The following PRORP variants were observed in gnomAD, a reference collection of about 807,000 sequenced individuals.
PRORP encodes the protein mitochondrial ribonuclease P catalytic subunit.
In PRORP, 51 loss-of-function variants were observed where a neutral mutation model predicts 59.4. The observed-to-expected ratio is 0.86, with a 90% CI of 0.69 to 1.08. The LOEUF is 1.08. PRORP is among the 50% of genes least tolerant of loss of function. The probability of loss-of-function intolerance (pLI) is 0.00; values close to 1 mark genes in which losing one functional copy is unlikely to be tolerated. For missense variants in PRORP, 646 were observed against 690.3 expected (o/e 0.94, Z 0.72); for synonymous variants, 231 against 245.6 (o/e 0.94, Z 0.55).
rs573341264 is a variant in PRORP at position 35,168,008 on chromosome 14, T to G, written c.1168-12662T>G. On this transcript the variant is annotated intron_variant, in intron 4 of 7. Coordinates refer to ENST00000534898, the MANE Select transcript of PRORP (RefSeq NM_014672.4). ...TTTAACACATTTTTCCCCCATTCATTCATTAGTTAATAGACACTTGAATTG... is the reference window on the plus strand; with the variant it reads ...TTTAACACATTTTTCCCCCATTCATGCATTAGTTAATAGACACTTGAATTG... Among the ~76,000 whole-genome samples, 3 of 152,364 alleles carry G rather than the reference T, an allele frequency of 2.0e-5. No individual in the cohort carries two copies. In the South Asian group the frequency reaches 6.2e-4, roughly 32 times the overall value.
rs149153641 is a variant in PRORP, at chr14:35,156,143, T to G, written c.1168-24527T>G. ...TTTATCATAGGTGGCAACTGCAGAT[T>G]AATTCTGGTGTGGTTAGGCATTTCA... is the stretch of plus-strand genomic sequence containing the variant. On this transcript the variant is annotated intron_variant, in intron 4 of 7. Transcript: ENST00000534898. Among the ~76,000 whole-genome samples, 22 of 152,300 alleles carry G rather than the reference T, an allele frequency of 1.4e-4. No individual in the cohort carries two copies. The East Asian group carries it at 4.0e-3, about 28-fold the overall frequency.
chr14:35,226,390 A>G (rs1310600875), intron 5 of PRORP, among the ~76,000 whole-genome samples: 1 of 152,230 alleles, frequency 6.6e-6, no homozygotes. Flanking sequence ...TAAAACATCC[A>G]CAGGCTAAGG....
At chr14:35,234,438 C>A (rs2050154531) in intron 5 of PRORP, among the ~76,000 whole-genome samples, 1 of 152,138 alleles carries the variant, frequency 6.6e-6, no homozygotes, top group African/African-American at 2.4e-5. Context: ...GTCCTTTGAT[C>A]TTTTCTGTCC....
At chr14:35,167,966 G>A (rs2048226250) in intron 4 of PRORP, among the ~76,000 whole-genome samples, 1 of 152,178 alleles carries the variant, frequency 6.6e-6, no homozygotes, top group Admixed American at 6.5e-5. Context: ...AAGAAAAGGA[G>A]TATTAAAGCA....
At chr14:35,146,085 C>T (rs919582258) in intron 4 of PRORP, among the ~76,000 whole-genome samples, 1 of 152,056 alleles carries the variant, frequency 6.6e-6, no homozygotes, top group Non-Finnish European at 1.5e-5. Context: ...CCCGCCTCGG[C>T]CTCCCAAAGT....
chr14:35,132,532 C>T (rs948346667), intron 4 of PRORP, among the ~76,000 whole-genome samples: 10 of 151,792 alleles, frequency 6.6e-5, no homozygotes, highest in African/African-American at 2.4e-4. Context: ...CCTGTAATCC[C>T]AGCACTTTGG....
intron 5 of PRORP, among the ~76,000 whole-genome samples, chr14:35,253,492 G>C (rs543891675): frequency 8.5e-5 from 13 of 152,234 alleles, no homozygotes; most frequent in African/African-American, 3.1e-4. Flanking sequence ...ATGGGATTTT[G>C]AAGAGGCCAC....
intron 5 of PRORP, among the ~76,000 whole-genome samples, chr14:35,185,885 T>C (rs542271147): frequency 6.6e-6 from 1 of 152,228 alleles, no homozygotes; most frequent in South Asian, 2.1e-4. Flanking sequence ...AAAACAAGAT[T>C]ATGGTATGAA....
intron 5 of PRORP, among the ~76,000 whole-genome samples, chr14:35,214,893 C>T (rs370610394): frequency 3.3e-5 from 5 of 152,096 alleles, no homozygotes; most frequent in Non-Finnish European, 5.9e-5. Flanking sequence ...GGCGACAGAG[C>T]GAGACTCCCA....
At chr14:35,182,532 C>G (rs1480005155) in intron 5 of PRORP, among the ~76,000 whole-genome samples, 1 of 152,074 alleles carries the variant, frequency 6.6e-6, no homozygotes, top group Non-Finnish European at 1.5e-5. Context: ...GTAATCCCAG[C>G]TAGTTGGGAG....
intron 5 of PRORP, among the ~76,000 whole-genome samples, chr14:35,256,262 T>C (rs753465988): frequency 4.0e-5 from 5 of 125,142 alleles, no homozygotes; most frequent in South Asian, 2.6e-4. Flanking sequence ...CCAGCCTGGG[T>C]GACAGAGCGA....
In PRORP at chr14:35,273,655, C is replaced by A; in HGVS notation, c.*89C>A. ...GAGCTGGTGTTTGTTTAGGGCATTGCCTCTGTCCTGAAGATAAAAGGATTC... is the reference window on the plus strand; with the variant it reads ...GAGCTGGTGTTTGTTTAGGGCATTGACTCTGTCCTGAAGATAAAAGGATTC... On this transcript the variant is annotated 3_prime_UTR_variant, in exon 8 of 8. Coordinates refer to ENST00000534898, the MANE Select transcript of PRORP (RefSeq NM_014672.4). 2.5e-6 allele frequency: 3 copies of A among 1,206,690 alleles called. No homozygotes were observed. The highest frequency in any genetic ancestry group is 2.3e-6 in the Non-Finnish European group (2 of 871,316). The allele number at this position is 1,206,690 out of a possible 1,614,324, so 74.7% of individuals were successfully genotyped here.
intron 4 of PRORP, among the ~76,000 whole-genome samples, chr14:35,132,927 G>T (rs1303642066): frequency 6.6e-6 from 1 of 151,594 alleles, no homozygotes; most frequent in Non-Finnish European, 1.5e-5. Flanking sequence ...GTTTTGTTTT[G>T]TTTTGTTTTT....
intron 4 of PRORP, among the ~76,000 whole-genome samples, chr14:35,129,671 G>C (rs1487990768): frequency 6.6e-6 from 1 of 151,732 alleles, no homozygotes; most frequent in African/African-American, 2.4e-5. Context: ...AGTACAGACA[G>C]GGTTTCACCA....
chr14:35,177,644 A>G (rs951094418), intron 4 of PRORP, among the ~76,000 whole-genome samples: 6 of 151,258 alleles, frequency 4.0e-5, no homozygotes, highest in African/African-American at 9.7e-5. Context: ...TTTCTTCTTT[A>G]TTAGTCTTTC....
chr14:35,137,579 C>G (rs917862430), intron 4 of PRORP, among the ~76,000 whole-genome samples: 1 of 144,986 alleles, frequency 6.9e-6, no homozygotes, highest in African/African-American at 2.4e-5. Flanking sequence ...GATGCTAACT[C>G]AAGGCAGAAG....
chr14:35,149,168 C>T (rs2047683213), intron 4 of PRORP, among the ~76,000 whole-genome samples: 1 of 151,430 alleles, frequency 6.6e-6, no homozygotes, highest in Non-Finnish European at 1.5e-5. Flanking sequence ...ATCCGCCCGC[C>T]TCGGCCTCCC....
chr14:35,124,900 C>G (rs2415261), intron 2 of PRORP, among the ~76,000 whole-genome samples: 28,771 of 142,090 alleles, frequency 0.2, 3,056 homozygotes, highest in East Asian at 0.37. Context: ...CGGAGTTTTG[C>G]TCTTGTTGCC....
intron 5 of PRORP, among the ~76,000 whole-genome samples, chr14:35,198,785 G>A (rs2049069010): frequency 1.3e-5 from 2 of 152,314 alleles, no homozygotes; most frequent in East Asian, 1.9e-4. Flanking sequence ...TGTAATCCCA[G>A]CACTTTGGGA....
Sources: gnomAD v4.1 joint callset for allele counts (sites outside exome capture counted in the v4.1 genomes callset) on GRCh38, gnomAD v4.1.1 for gene constraint, MANE v1.5 for transcripts, NCBI Gene and HGNC (gene_info 2026-07-23, HGNC 2026-07-21) for gene names.